CLEC19A: variants seen among roughly 807,000 people sequenced by gnomAD.
CLEC19A encodes the protein C-type lectin domain containing 19A.
CLEC19A carries 21 observed loss-of-function variants against 26.1 expected under a neutral mutation model. The observed-to-expected ratio is 0.80, with a 90% CI of 0.57 to 1.16. The LOEUF (loss-of-function observed/expected upper bound fraction) is 1.16, where lower values mean the gene tolerates loss of function less well. CLEC19A is among the 50% of genes most tolerant of loss of function. CLEC19A has a pLI of 0.00. For synonymous variants in CLEC19A, 89 were observed against 88.6 expected (o/e 1.00, Z -0.03); for missense variants, 224 against 227.6 (o/e 0.98, Z 0.10).
At chr16:19,301,736 G>GTTTTTTTTTTTTTTGTTTTT (rs1897829840) in intron 2 of CLEC19A, among the ~76,000 whole-genome samples, 1 of 81,498 alleles carries the variant, frequency 1.2e-5, no homozygotes, top group Admixed American at 1.5e-4. Context: ...GGTTTTTTTG[G>GTTTTTTTTTTTTTTGTTTTT]TTTTTTTTTT....
intron 1 of CLEC19A, among the ~76,000 whole-genome samples, chr16:19,287,162 C>T (rs1449190989): frequency 1.3e-5 from 2 of 151,962 alleles, no homozygotes; most frequent in South Asian, 2.1e-4. Context: ...ATATCACAGA[C>T]TGGGGAGCTT....
chr16:19,309,252 G>A lies in CLEC19A; in HGVS notation c.*169G>A, dbSNP rs1898018773. 3.9e-6 allele frequency: 2 copies of A among 514,692 alleles called. No individual in the cohort carries two copies. Among genetic ancestry groups the A allele is most frequent in the East Asian group, 6.9e-5 (2 of 29,120 alleles). The allele number at this position is 514,692 out of a possible 1,614,324, so 31.9% of individuals were successfully genotyped here. On this transcript the variant is annotated 3_prime_UTR_variant, in exon 5 of 5. Transcript: ENST00000636231. ...ATACAGGGTGGTCACTTGGCCAAGT[G>A]TCAGGAAAGCCAGCTCAAATTGGCT...
intron 1 of CLEC19A, among the ~76,000 whole-genome samples, chr16:19,292,424 G>A (rs1206239187): frequency 2.0e-5 from 3 of 152,182 alleles, no homozygotes; most frequent in Non-Finnish European, 4.4e-5. Flanking sequence ...AAAACTCCAG[G>A]AATGCCATCG....
At position 19,296,605 on chromosome 16, in the gene CLEC19A, G is replaced by T. The variant is rs572342505; in HGVS notation, c.89-2068G>T. Among the ~76,000 whole-genome samples, 9 of 152,248 alleles carry T rather than the reference G, an allele frequency of 5.9e-5. No individual in the cohort carries two copies. In the South Asian group the frequency reaches 1.9e-3, roughly 32 times the overall value. On this transcript the variant is annotated intron_variant, in intron 1 of 4. Transcript: ENST00000636231. The stretch of plus-strand genomic sequence containing the variant: ...ATGCCAACTTTATGAGCAAAAACTT[G>T]GGAGTTGGGAAGCCTAGGTTCAAAT...
chr16:19,293,574 C>T (rs941778797), intron 1 of CLEC19A, among the ~76,000 whole-genome samples: 7 of 151,994 alleles, frequency 4.6e-5, no homozygotes, highest in Non-Finnish European at 1.0e-4. Flanking sequence ...GAGATCCTCC[C>T]ACCTCAGCCT....
intron 4 of CLEC19A, 21 bp from the exon 5 acceptor site, chr16:19,308,983 C>A (rs1366583626): frequency 2.6e-6 from 4 of 1,545,558 alleles, no homozygotes; most frequent in African/African-American, 1.4e-5. Flanking sequence ...CACCCAGATT[C>A]TCTGCTTCTT....
At position 19,307,275 on chromosome 16, in the gene CLEC19A, C is replaced by T. The variant is rs77606665; in HGVS notation, c.349-270C>T. Among the ~76,000 whole-genome samples the T allele has an allele frequency of 8.0e-3, 1,225 of 152,190 alleles. 11 individuals are homozygous for T. Among genetic ancestry groups the T allele is most frequent in the Non-Finnish European group, 0.014 (976 of 68,000 alleles). ...CTTATCTGTAAAATGGGGCTGATGACGCCTGCTTTTCAGAATGGTGAGGAT... is the reference window on the plus strand; with the variant it reads ...CTTATCTGTAAAATGGGGCTGATGATGCCTGCTTTTCAGAATGGTGAGGAT... On this transcript the variant is annotated intron_variant, in intron 3 of 4. Transcript: ENST00000636231.
chr16:19,307,703 T>G (rs1431011418), intron 4 of CLEC19A, 26 bp downstream of exon 4: 3 of 1,547,016 alleles, frequency 1.9e-6, no homozygotes, highest in Non-Finnish European at 2.6e-6. Context: ...ACCAAGGCTC[T>G]TGCAGGGGAG....
chr16:19,300,339 A>G (rs1897793796), intron 2 of CLEC19A, among the ~76,000 whole-genome samples: 1 of 152,102 alleles, frequency 6.6e-6, no homozygotes, highest in Non-Finnish European at 1.5e-5. Context: ...GCTTGAGTCC[A>G]GAAGTTCAAG....
chr16:19,289,914 A>G (rs1230684127), intron 1 of CLEC19A, among the ~76,000 whole-genome samples: 4 of 152,154 alleles, frequency 2.6e-5, no homozygotes, highest in African/African-American at 9.7e-5. Flanking sequence ...TCTGTGAGAC[A>G]CTTTCTTCCA....
At chr16:19,296,815 A>G (rs1191524122) in intron 1 of CLEC19A, among the ~76,000 whole-genome samples, 3 of 152,180 alleles carry the variant, frequency 2.0e-5, no homozygotes, top group Non-Finnish European at 4.4e-5. Flanking sequence ...CAAAGATTCC[A>G]CTAAAGGGTG....
chr16:19,287,273 C>T (rs1036792922), intron 1 of CLEC19A, among the ~76,000 whole-genome samples: 1 of 152,150 alleles, frequency 6.6e-6, no homozygotes, highest in African/African-American at 2.4e-5. Context: ...TCCTGGCTTG[C>T]AGATGGCCGC....
chr16:19,310,255 G>A lies in CLEC19A; in HGVS notation c.*1172G>A, dbSNP rs1177776994. 6.6e-6 allele frequency: 1 copy of A among 152,040 alleles called. No individual in the cohort carries two copies. The highest frequency in any genetic ancestry group is 1.5e-5 in the Non-Finnish European group (1 of 68,022). The allele number at this position is 152,040 out of a possible 1,614,324, so 9.4% of individuals were successfully genotyped here. On this transcript the variant is annotated 3_prime_UTR_variant, in exon 5 of 5. Transcript: ENST00000636231. ...AAGCTGAGGAGAGAGGATCACTTGA[G>A]CCCAGGAGTTGAAGATCAGCCTGGG... is the stretch of plus-strand genomic sequence containing the variant.
chr16:19,292,790 A>T (rs78092089), intron 1 of CLEC19A, among the ~76,000 whole-genome samples: 1 of 152,208 alleles, frequency 6.6e-6, no homozygotes, highest in African/African-American at 2.4e-5. Flanking sequence ...AGGTCAGAAC[A>T]TGTCTTTGAG....
intron 1 of CLEC19A, among the ~76,000 whole-genome samples, chr16:19,286,719 A>T (rs1469938912): frequency 6.6e-6 from 1 of 152,126 alleles, no homozygotes; most frequent in East Asian, 1.9e-4. Context: ...AGGCTTGTTT[A>T]TGTTCATATA....
chr16:19,303,415 C>T (rs985022769), intron 2 of CLEC19A, among the ~76,000 whole-genome samples: 1 of 152,146 alleles, frequency 6.6e-6, no homozygotes, highest in South Asian at 2.1e-4. Flanking sequence ...AGTGGACTCT[C>T]ACCAGGGTCC....
intron 2 of CLEC19A, among the ~76,000 whole-genome samples, chr16:19,302,318 GA>G (rs1298991412): frequency 2.0e-5 from 3 of 152,104 alleles, no homozygotes; most frequent in Non-Finnish European, 4.4e-5. Context: ...AATGCCTCAA[GA>G]AAAAAGAAAT....
At chr16:19,297,324 C>CT (rs1024150309) in intron 1 of CLEC19A, among the ~76,000 whole-genome samples, 7 of 152,156 alleles carry the variant, frequency 4.6e-5, no homozygotes, top group African/African-American at 1.4e-4. Context: ...ACAAGATACC[C>CT]TTTTTTTGCT....
intron 1 of CLEC19A, among the ~76,000 whole-genome samples, chr16:19,287,021 C>CTTTTT (rs550913735): frequency 5.7e-5 from 7 of 123,148 alleles, no homozygotes; most frequent in East Asian, 2.2e-4. Flanking sequence ...AGGTATCCTT[C>CTTTTT]TTTTTTTTTT....
Sources: gnomAD v4.1 joint callset for allele counts (sites outside exome capture counted in the v4.1 genomes callset) on GRCh38, gnomAD v4.1.1 for gene constraint, MANE v1.5 for transcripts, NCBI Gene and HGNC (gene_info 2026-07-23, HGNC 2026-07-21) for gene names.